The following RBFOX1 variants were observed in gnomAD, a reference collection of about 807,000 sequenced individuals.
The protein encoded by RBFOX1 is RNA binding protein fox-1 homolog 1.
Under a neutral mutation model 57.7 loss-of-function variants are expected in RBFOX1, and 8 were observed. The observed-to-expected ratio is 0.14, with a 90% confidence interval of 0.08 to 0.25. RBFOX1 has a LOEUF of 0.25. Ranked by LOEUF, RBFOX1 falls within the 10% of genes least tolerant of loss-of-function variation. The pLI is 1.00. For missense variants in RBFOX1, 611 were observed against 548.5 expected (o/e 1.11, Z -1.14); for synonymous variants, 326 against 222.4 (o/e 1.47, Z -4.15).
chr16:6,349,582 G>A (rs1433724774), intron 2 of RBFOX1, among the ~76,000 whole-genome samples: 1 of 152,154 alleles, frequency 6.6e-6, no homozygotes, highest in Non-Finnish European at 1.5e-5. Flanking sequence ...GGCTTACTAG[G>A]ATTACACTAA....
Position 6,253,302 on chromosome 16 carries a change from C to G in RBFOX1, c.-126-63693C>G, listed in dbSNP as rs963434615. On this transcript the variant is annotated intron_variant, in intron 1 of 15. Transcript: ENST00000550418. The stretch of plus-strand genomic sequence containing the variant: ...CTTCATCATCGCCATCATTTTAGCT[C>G]TCTGCAAAGTCATCACATCTGTCAC... Among the ~76,000 whole-genome samples, 21 of 152,280 alleles carry G rather than the reference C, an allele frequency of 1.4e-4. No homozygotes were observed. In the South Asian group the frequency reaches 4.1e-3, roughly 30 times the overall value.
intron 4 of RBFOX1, among the ~76,000 whole-genome samples, chr16:5,894,159 C>T (rs554797849): frequency 1.3e-5 from 2 of 152,260 alleles, no homozygotes; most frequent in Admixed American, 6.5e-5. Flanking sequence ...AATTCTGGAG[C>T]TCTATTTTCC....
intron 4 of RBFOX1, among the ~76,000 whole-genome samples, chr16:7,292,467 T>A (rs1166454045): frequency 7.2e-6 from 1 of 139,628 alleles, no homozygotes; most frequent in East Asian, 2.1e-4. Context: ...TTATATATAA[T>A]ATATAATGTA....
At chr16:6,949,736 C>T (rs971312841) in intron 3 of RBFOX1, among the ~76,000 whole-genome samples, 1 of 152,076 alleles carries the variant, frequency 6.6e-6, no homozygotes, top group African/African-American at 2.4e-5. Context: ...GGAGTTAAGA[C>T]TTCAACTAGG....
intron 4 of RBFOX1, among the ~76,000 whole-genome samples, chr16:7,409,420 T>G (rs1051730703): frequency 1.3e-5 from 2 of 152,212 alleles, no homozygotes; most frequent in African/African-American, 4.8e-5. Flanking sequence ...TTTTTAGTGG[T>G]TGGAGAATGG....
chr16:5,416,627 C>T (rs973089454), intron 1 of RBFOX1, among the ~76,000 whole-genome samples: 5 of 151,488 alleles, frequency 3.3e-5, no homozygotes, highest in South Asian at 2.1e-4. Flanking sequence ...TTCTGAACTG[C>T]GTGATTTGAA....
chr16:5,613,465 C>A (rs1434119781), intron 3 of RBFOX1, among the ~76,000 whole-genome samples: 2 of 152,156 alleles, frequency 1.3e-5, no homozygotes, highest in African/African-American at 2.4e-5. Context: ...AGGGTTGCAG[C>A]CCTGATTATG....
chr16:5,634,477 A>G (rs1048975839), intron 3 of RBFOX1, among the ~76,000 whole-genome samples: 2 of 152,242 alleles, frequency 1.3e-5, no homozygotes, highest in African/African-American at 4.8e-5. Context: ...AAACAAAATT[A>G]AAGAACTTGT....
intron 3 of RBFOX1, among the ~76,000 whole-genome samples, chr16:5,732,055 C>T (rs1298158499): frequency 1.3e-5 from 2 of 152,164 alleles, no homozygotes; most frequent in Non-Finnish European, 2.9e-5. Context: ...GTAACATTTC[C>T]TCTTTGCTTC....
chr16:7,502,325 A>AG (rs1390035269), intron 4 of RBFOX1, among the ~76,000 whole-genome samples: 2 of 152,258 alleles, frequency 1.3e-5, no homozygotes, highest in Non-Finnish European at 2.9e-5. Flanking sequence ...CCTGCCCTTA[A>AG]GGAGCTTACA....
intron 1 of RBFOX1, among the ~76,000 whole-genome samples, chr16:6,095,800 G>C (rs145799793): frequency 1.3e-5 from 2 of 152,306 alleles, no homozygotes; most frequent in African/African-American, 4.8e-5. Context: ...CCTGAGTCTG[G>C]GATCGTTACC....
At chr16:5,964,441 T>C (rs1260302200) in intron 4 of RBFOX1, among the ~76,000 whole-genome samples, 1 of 152,198 alleles carries the variant, frequency 6.6e-6, no homozygotes. Context: ...TCCATGTTTA[T>C]TGCACTTTAT....
intron 4 of RBFOX1, among the ~76,000 whole-genome samples, chr16:7,262,119 A>G (rs955121350): frequency 1.3e-5 from 2 of 149,284 alleles, no homozygotes; most frequent in Non-Finnish European, 3.0e-5. Flanking sequence ...AATATGACAC[A>G]GAGAAACTTT....
chr16:7,247,459 C>A (rs550232721), intron 4 of RBFOX1, among the ~76,000 whole-genome samples: 5 of 152,186 alleles, frequency 3.3e-5, no homozygotes, highest in Non-Finnish European at 7.4e-5. Context: ...GTGTTAAGTT[C>A]CTGGTATGTG....
intron 3 of RBFOX1, among the ~76,000 whole-genome samples, chr16:6,918,509 G>A (rs76592339): frequency 6.6e-6 from 1 of 152,074 alleles, no homozygotes; most frequent in Non-Finnish European, 1.5e-5. Context: ...GTCTGCCTGG[G>A]CCCTAATTCA....
At chr16:7,020,340 C>G (rs1289702508) in intron 3 of RBFOX1, among the ~76,000 whole-genome samples, 1 of 152,026 alleles carries the variant, frequency 6.6e-6, no homozygotes, top group Non-Finnish European at 1.5e-5. Flanking sequence ...ATTCTCCTGC[C>G]TCAGCCTACG....
intron 13 of RBFOX1, among the ~76,000 whole-genome samples, chr16:7,665,205 A>G (rs1014633391): frequency 9.2e-5 from 14 of 152,090 alleles, no homozygotes; most frequent in Non-Finnish European, 7.4e-5. Context: ...AACGAATGCA[A>G]TTCCCCCAAA....
intron 2 of RBFOX1, among the ~76,000 whole-genome samples, chr16:6,568,966 TTTCACCACATTGGCCAGG>T (rs1344590183): frequency 6.6e-6 from 1 of 151,988 alleles, no homozygotes; most frequent in Non-Finnish European, 1.5e-5. Context: ...ACAGATGGGA[TTTCACCACATTGGCCAGG>T]CTGGTCTCAA....
At chr16:6,374,151 A>T (rs2152900399) in intron 2 of RBFOX1, among the ~76,000 whole-genome samples, 1 of 152,324 alleles carries the variant, frequency 6.6e-6, no homozygotes, top group East Asian at 1.9e-4. Flanking sequence ...GACTTGATTC[A>T]TTGTCTCTGG....
Sources: gnomAD v4.1 joint callset for allele counts (sites outside exome capture counted in the v4.1 genomes callset) on GRCh38, gnomAD v4.1.1 for gene constraint, MANE v1.5 for transcripts, NCBI Gene and HGNC (gene_info 2026-07-23, HGNC 2026-07-21) for gene names.